LUC7L2: variants seen among roughly 807,000 people sequenced by gnomAD.
LUC7L2 encodes the protein LUC7 like 2, pre-mRNA splicing factor.
In LUC7L2, 25 loss-of-function variants were observed where a neutral mutation model predicts 52.8. That is an observed-to-expected ratio of 0.47 (90% CI 0.34 to 0.66). The LOEUF (loss-of-function observed/expected upper bound fraction) is 0.66, where lower values mean the gene tolerates loss of function less well. Ranked by LOEUF, LUC7L2 falls within the 30% of genes least tolerant of loss-of-function variation. LUC7L2 has a pLI of 0.01. For missense variants in LUC7L2, 328 were observed against 497.8 expected (o/e 0.66, Z 3.25); for synonymous variants, 144 against 160.9 (o/e 0.89, Z 0.80).
chr7:139,393,047 AC>A (rs1794512836), intron 2 of LUC7L2, among the ~76,000 whole-genome samples: 1 of 151,812 alleles, frequency 6.6e-6, no homozygotes, highest in African/African-American at 2.4e-5. Flanking sequence ...CGGTTGAATT[AC>A]CTGAGGTGAA....
At chr7:139,359,034 G>A (rs1431489148), upstream of LUC7L2, 2 of 152,234 alleles carry the variant, frequency 1.3e-5, no homozygotes, top group African/African-American at 4.8e-5. Flanking sequence ...AAAGGCTCAG[G>A]GCTAAGTATT....
intron 1 of LUC7L2, chr7:139,341,326 G>A (rs1798943678): frequency 6.4e-7 from 1 of 1,565,900 alleles, no homozygotes; most frequent in South Asian, 1.1e-5. Flanking sequence ...TGGGCCGGAG[G>A]AGGGGTTTTC....
At chr7:139,370,821 A>G (rs1800409717) in intron 1 of LUC7L2, among the ~76,000 whole-genome samples, 2 of 152,204 alleles carry the variant, frequency 1.3e-5, no homozygotes, top group Non-Finnish European at 2.9e-5. Flanking sequence ...GAAATTGGCC[A>G]TGGATCTTTA....
At position 139,363,986 on chromosome 7, in the gene LUC7L2, T is replaced by C. The variant is rs1800011803; in HGVS notation, c.61+3664T>C. 4.3e-5 allele frequency among the ~76,000 whole-genome samples: 6 copies of C among 138,640 alleles called. 1 individual carries two copies. The South Asian group carries it at 1.4e-3, about 33-fold the overall frequency. 91.0% of individuals were successfully genotyped at this position (138,640 alleles called of 152,430 possible). On this transcript the variant is annotated intron_variant, in intron 1 of 9. Transcript: ENST00000354926. ...GATTTAGATTACATCCTTTTTTTTT[T>C]TTTTTTTTTTTTTTTTTGAGACAGG...
chr7:139,422,455 C>A lies in LUC7L2; in HGVS notation c.*115C>A. 6.8e-7 allele frequency: 1 copy of A among 1,469,888 alleles called. No homozygotes were observed. The highest frequency in any genetic ancestry group is 9.0e-7 in the Non-Finnish European group (1 of 1,112,532). 91.1% of individuals were successfully genotyped at this position (1,469,888 alleles called of 1,614,324 possible). A position where few individuals can be genotyped will look rare whatever the true frequency, so the allele number is the denominator to read the frequency against. On this transcript the variant is annotated 3_prime_UTR_variant, in exon 10 of 10. Coordinates refer to ENST00000354926, the MANE Select transcript of LUC7L2 (RefSeq NM_016019.5). ...GATCCAGACACCAGATCCAGCTAGG[C>A]TAGATGTACAGTATCTAACTTGATC...
At chr7:139,417,837 T>G in intron 9 of LUC7L2, 108 bp downstream of exon 9, 2 of 1,405,804 alleles carry the variant, frequency 1.4e-6, no homozygotes, top group East Asian at 5.0e-5. Context: ...TTTGAAACTT[T>G]TGCATCTGGT....
intron 1 of LUC7L2, among the ~76,000 whole-genome samples, chr7:139,343,850 A>C (rs554180064): frequency 5.0e-4 from 74 of 148,848 alleles, no homozygotes; most frequent in African/African-American, 1.8e-3. Context: ...CAGGAGGATC[A>C]CTTGAGCTGG....
At chr7:139,410,134 G>C (rs10244770) in intron 7 of LUC7L2, among the ~76,000 whole-genome samples, 24 of 152,190 alleles carry the variant, frequency 1.6e-4, no homozygotes, top group Middle Eastern at 3.4e-3. Flanking sequence ...GTGAACCTGG[G>C]GGGGCAGAGC....
intron 1 of LUC7L2, among the ~76,000 whole-genome samples, chr7:139,372,736 T>C (rs1207473460): frequency 3.9e-5 from 6 of 152,148 alleles, no homozygotes; most frequent in Admixed American, 2.0e-4. Flanking sequence ...GGCCAGGAGT[T>C]GGAGATCAGC....
intron 6 of LUC7L2, among the ~76,000 whole-genome samples, chr7:139,408,833 C>A: frequency 7.3e-6 from 1 of 137,484 alleles, no homozygotes; most frequent in Non-Finnish European, 1.5e-5. Context: ...CAGAGCGAGA[C>A]TCTGTCTCAA....
chr7:139,388,140 A>G (rs1216929790), intron 2 of LUC7L2, among the ~76,000 whole-genome samples: 1 of 152,146 alleles, frequency 6.6e-6, no homozygotes, highest in African/African-American at 2.4e-5. Context: ...TACTATTGAA[A>G]AAAAATTTAT....
chr7:139,384,949 C>T (rs1794128038), intron 2 of LUC7L2, among the ~76,000 whole-genome samples: 1 of 152,106 alleles, frequency 6.6e-6, no homozygotes, highest in Admixed American at 6.5e-5. Flanking sequence ...TTAGATCATT[C>T]ATTTTATATA....
chr7:139,398,830 A>G, intron 3 of LUC7L2, 133 bp downstream of exon 3: 2 of 692,534 alleles, frequency 2.9e-6, no homozygotes, highest in Non-Finnish European at 4.4e-6. Flanking sequence ...GACTCAAGTA[A>G]GATCATGTAC....
rs772912557 is a variant in LUC7L2 at position 139,422,187 on chromosome 7, C to T, written c.1026C>T (p.Asp342=). The change falls in exon 10 of 10, where the codon GAC becomes GAT. Residue 342 remains aspartate (D), a synonymous_variant. Transcript: ENST00000354926. ...KRRSSKERFR[D]QDLASCDRDR... is the part of the protein sequence containing the mutation. Reference sequence around the variant, plus strand: ...GATCCTCAAAAGAAAGATTCAGAGACCAAGACTTAGCATCATGTGACAGAG... The same window carrying T: ...GATCCTCAAAAGAAAGATTCAGAGATCAAGACTTAGCATCATGTGACAGAG... 1 of 1,610,480 alleles carries T rather than the reference C, an allele frequency of 6.2e-7. No homozygotes were observed. The highest frequency in any genetic ancestry group is 8.5e-7 in the Non-Finnish European group (1 of 1,179,074).
rs573520710 is a variant in LUC7L2, at chr7:139,374,754, G to A, written c.62-1308G>A. 186 of 1,224,848 alleles carry A rather than the reference G, an allele frequency of 1.5e-4. No individual in the cohort carries two copies. The South Asian group carries it at 3.3e-3, about 22-fold the overall frequency. 75.9% of individuals were successfully genotyped at this position (1,224,848 alleles called of 1,614,324 possible). A position where few individuals can be genotyped will look rare whatever the true frequency, so the allele number is the denominator to read the frequency against. ...ATGTTTTAAAAATATCTTTAACCACGTTAAAACAATTTGAACAAAATCTTA... is the reference window on the plus strand; with the variant it reads ...ATGTTTTAAAAATATCTTTAACCACATTAAAACAATTTGAACAAAATCTTA... On this transcript the variant is annotated intron_variant, in intron 1 of 9. Transcript: ENST00000354926.
upstream of LUC7L2, chr7:139,359,884 G>T: frequency 4.8e-6 from 2 of 416,664 alleles, no homozygotes; most frequent in Non-Finnish European, 4.3e-6. Context: ...TGAGCGCGAG[G>T]AGCGTGCGCG....
chr7:139,422,289 C>T lies in LUC7L2; in HGVS notation c.1128C>T (p.Gly376=), dbSNP rs1263298438. The T allele has an allele frequency of 5.0e-6, 8 of 1,614,000 alleles. No homozygotes were observed. Among genetic ancestry groups the T allele is most frequent in the Non-Finnish European group, 6.8e-6 (8 of 1,180,008 alleles). ...DKKRSYESAN[G]RSEDRRSSEE... ...AGCGGTCCTATGAGAGTGCTAATGG[C>T]AGATCAGAAGACAGGAGGAGCTCTG... Residue 376 remains glycine, a synonymous_variant, in exon 10 of 10, where the codon GGC becomes GGT. Transcript: ENST00000354926.
chr7:139,367,952 G>A (rs1800248942), intron 1 of LUC7L2, among the ~76,000 whole-genome samples: 1 of 152,202 alleles, frequency 6.6e-6, no homozygotes, highest in African/African-American at 2.4e-5. Flanking sequence ...TAGGGAAAGT[G>A]GCTGTGAGCC....
intron 1 of LUC7L2, among the ~76,000 whole-genome samples, chr7:139,351,283 A>C (rs553890918): frequency 2.2e-4 from 33 of 152,274 alleles, no homozygotes; most frequent in Non-Finnish European, 4.0e-4. Flanking sequence ...TTCCCCTACA[A>C]ATCTCTCCTG....
Sources: gnomAD v4.1 joint callset for allele counts (sites outside exome capture counted in the v4.1 genomes callset) on GRCh38, gnomAD v4.1.1 for gene constraint, MANE v1.5 for transcripts, NCBI Gene and HGNC (gene_info 2026-07-23, HGNC 2026-07-21) for gene names.